JMJD1C: variants seen among roughly 807,000 people sequenced by gnomAD.
The protein encoded by JMJD1C is jumonji domain-containing protein 1C.
In JMJD1C, 31 loss-of-function variants were observed where a neutral mutation model predicts 245.3. That is an observed-to-expected ratio of 0.13 (90% CI 0.09 to 0.17). The LOEUF (loss-of-function observed/expected upper bound fraction) is 0.17. Among genes scored for constraint, JMJD1C ranks in the 10% least tolerant of loss-of-function variants. The probability of loss-of-function intolerance (pLI) is 1.00; values close to 1 mark genes in which losing one functional copy is unlikely to be tolerated. For synonymous variants in JMJD1C, 1,057 were observed against 1,017.4 expected (o/e 1.04, Z -0.74); for missense variants, 2,691 against 3,000.2 (o/e 0.90, Z 2.41).
At chr10:63,230,651 T>TG (rs1184692339) in intron 3 of JMJD1C, among the ~76,000 whole-genome samples, 1 of 151,894 alleles carries the variant, frequency 6.6e-6, no homozygotes, top group African/African-American at 2.4e-5. Context: ...GGCACACACT[T>TG]GTAATCCCAG....
chr10:63,242,713 G>A (rs917536230), intron 3 of JMJD1C, among the ~76,000 whole-genome samples: 5 of 152,038 alleles, frequency 3.3e-5, no homozygotes, highest in Non-Finnish European at 5.9e-5. Context: ...GCAACAGAGC[G>A]AGACTCTGTC....
rs751757557 is a variant in JMJD1C at position 63,186,312 on chromosome 10, A to C, written c.6642T>G (p.Asp2214Glu). The change falls in exon 19 of 26, where the codon GAT becomes GAG. Residue 2214 changes from aspartate (D) to glutamate (E), a missense_variant. Asp to Glu is a conservative substitution (Grantham distance 45). Coordinates refer to ENST00000399262, the MANE Select transcript of JMJD1C (RefSeq NM_032776.3). The part of the protein sequence containing the change: ...SLWKAESISL[D>E]FGDHQADLLN... ...GGAGATCAGCTTGGTGGTCTCCAAA[A>C]TCAAGACTAATTGATTCCGCCTTCC... The C allele has an allele frequency of 3.1e-6, 5 of 1,613,744 alleles. No homozygotes were observed. Among genetic ancestry groups the C allele is most frequent in the Middle Eastern group, 1.7e-4 (1 of 6,056 alleles).
intron 2 of JMJD1C, among the ~76,000 whole-genome samples, chr10:63,350,680 A>T (rs953744074): frequency 1.3e-5 from 2 of 150,384 alleles, no homozygotes; most frequent in African/African-American, 4.9e-5. Flanking sequence ...GCAGTGGTGC[A>T]ATCTCAGCTC....
intron 1 of JMJD1C, among the ~76,000 whole-genome samples, chr10:63,503,599 C>A (rs1564975289): frequency 6.6e-6 from 1 of 152,206 alleles, no homozygotes; most frequent in Non-Finnish European, 1.5e-5. Flanking sequence ...ACCACACTCA[C>A]AACCGACCAG....
chr10:63,234,165 C>A (rs1358031408), intron 3 of JMJD1C, among the ~76,000 whole-genome samples: 1 of 150,658 alleles, frequency 6.6e-6, no homozygotes, highest in Non-Finnish European at 1.5e-5. Flanking sequence ...CACTTGAGAT[C>A]CAGAGTTACG....
intron 2 of JMJD1C, among the ~76,000 whole-genome samples, chr10:63,283,981 T>C (rs972247937): frequency 2.0e-5 from 3 of 152,002 alleles, no homozygotes; most frequent in Non-Finnish European, 4.4e-5. Flanking sequence ...TCTGTGTACT[T>C]TGCTAGGAAA....
rs147129240 is a variant in JMJD1C at position 63,186,741 on chromosome 10, A to T, written c.6571-358T>A. On this transcript the variant is annotated intron_variant, in intron 18 of 25. Transcript: ENST00000399262. The stretch of plus-strand genomic sequence containing the variant: ...ATAACGCAGAAACCAGTAATGGAAG[A>T]TTTACAGCTTCTAAAACTACAATAA... Among the ~76,000 whole-genome samples, 499 of 152,312 alleles carry T rather than the reference A, an allele frequency of 3.3e-3. 3 individuals are homozygous for T. Among genetic ancestry groups the T allele is most frequent in the African/African-American group, 0.012 (481 of 41,566 alleles).
intron 1 of JMJD1C, among the ~76,000 whole-genome samples, chr10:63,450,575 A>T (rs150671747): frequency 8.5e-5 from 13 of 152,328 alleles, no homozygotes; most frequent in East Asian, 7.7e-4. Context: ...GGGAAAAAAA[A>T]TTTTATGATC....
intron 1 of JMJD1C, among the ~76,000 whole-genome samples, chr10:63,503,943 T>C (rs568820872): frequency 6.6e-6 from 1 of 152,178 alleles, no homozygotes. Flanking sequence ...AGGGTCCACA[T>C]GCTTGTGTTT....
At chr10:63,479,264 T>C (rs938609202) in intron 1 of JMJD1C, among the ~76,000 whole-genome samples, 4 of 151,160 alleles carry the variant, frequency 2.6e-5, no homozygotes, top group African/African-American at 9.7e-5. Flanking sequence ...CCAATCTTAT[T>C]TCTTCTCTTT....
chr10:63,281,019 G>A (rs1857315800), intron 2 of JMJD1C, among the ~76,000 whole-genome samples: 1 of 150,776 alleles, frequency 6.6e-6, no homozygotes, highest in Non-Finnish European at 1.5e-5. Context: ...GTGCAGTGGT[G>A]CGATGGGATT....
chr10:63,387,629 ATT>A lies in JMJD1C; in HGVS notation c.169-7149_169-7148del, dbSNP rs71025169. On this transcript the variant is annotated intron_variant, in intron 1 of 25. Coordinates refer to ENST00000399262, the MANE Select transcript of JMJD1C (RefSeq NM_032776.3). ...AGTCAGAAGAAAAAAGAAAAAAAAAATTTTTTTTTTTTTTTTTTTTTTTTGAG... is the reference window on the plus strand; with the variant it reads ...AGTCAGAAGAAAAAAGAAAAAAAAAATTTTTTTTTTTTTTTTTTTTTTGAG... Among the ~76,000 whole-genome samples the A allele has an allele frequency of 6.7e-3, 253 of 37,858 alleles. 1 individual carries two copies. The highest frequency in any genetic ancestry group is 0.028 in the African/African-American group (235 of 8,296). 24.8% of individuals were successfully genotyped at this position (37,858 alleles called of 152,430 possible).
intron 2 of JMJD1C, among the ~76,000 whole-genome samples, chr10:63,315,231 G>C (rs888018431): frequency 6.6e-6 from 1 of 152,102 alleles, no homozygotes; most frequent in African/African-American, 2.4e-5. Flanking sequence ...CAGGTACTGA[G>C]CATAGTACCC....
At position 63,214,464 on chromosome 10, in the gene JMJD1C, T is replaced by G. The variant is rs201464655; in HGVS notation, c.1703A>C (p.Asp568Ala). 11 of 1,613,892 alleles carry G rather than the reference T, an allele frequency of 6.8e-6. No individual in the cohort carries two copies. In the East Asian group the frequency reaches 1.1e-4, roughly 16 times the overall value. ...TTGGGTTAGATCCACTTTAACTACA[T>G]CACTGACCCAGCTCTGGTCAGAATC... ...KKDSDQSWVS[D>A]VVKVDLTQSS... The change falls in exon 8 of 26, where the codon GAT (aspartate) becomes GCT (alanine). Residue 568 changes from aspartate to alanine, a missense_variant. This residue lies in a region of JMJD1C where 1,562 missense variants were observed against 1,490.7 expected (regional missense o/e 1.05). Coordinates refer to ENST00000399262, the MANE Select transcript of JMJD1C (RefSeq NM_032776.3).
At chr10:63,246,696 T>C (rs6479891) in intron 3 of JMJD1C, among the ~76,000 whole-genome samples, 130,648 of 152,008 alleles carry the variant, frequency 0.86, 56,845 homozygotes, top group African/African-American at 0.96. Flanking sequence ...TACAATGCCA[T>C]GAAACAAGCC....
At chr10:63,313,472 G>C (rs1255990299) in intron 2 of JMJD1C, among the ~76,000 whole-genome samples, 2 of 152,278 alleles carry the variant, frequency 1.3e-5, no homozygotes, top group East Asian at 3.9e-4. Flanking sequence ...TAGTGAGACT[G>C]CTGGATCCCA....
intron 2 of JMJD1C, among the ~76,000 whole-genome samples, chr10:63,284,274 C>T (rs1047916839): frequency 6.6e-6 from 1 of 152,196 alleles, no homozygotes; most frequent in African/African-American, 2.4e-5. Context: ...GAACCATCCA[C>T]CTCATCTTAC....
At chr10:63,371,555 C>T (rs1185679751) in intron 2 of JMJD1C, among the ~76,000 whole-genome samples, 3 of 152,100 alleles carry the variant, frequency 2.0e-5, no homozygotes, top group African/African-American at 7.2e-5. Context: ...GTGTCTAATT[C>T]GTATGAGGTA....
At chr10:63,247,971 G>A (rs915532911) in intron 3 of JMJD1C, among the ~76,000 whole-genome samples, 17 of 151,910 alleles carry the variant, frequency 1.1e-4, no homozygotes, top group African/African-American at 3.9e-4. Context: ...GCTCATGACT[G>A]TAATCCTAGC....
Sources: gnomAD v4.1 joint callset for allele counts (sites outside exome capture counted in the v4.1 genomes callset) on GRCh38, gnomAD v4.1.1 for gene constraint, gnomAD v4.1.1 regional missense constraint, MANE v1.5 for transcripts, NCBI Gene and HGNC (gene_info 2026-07-23, HGNC 2026-07-21) for gene names.